The following IQCJ variants were observed in gnomAD, a reference collection of about 807,000 sequenced individuals.
IQCJ encodes IQ domain-containing protein J.
A neutral mutation model predicts 11.0 loss-of-function variants in IQCJ; 9 were observed. The ratio of observed to expected loss-of-function variants is 0.82; its 90% confidence interval spans 0.49 to 1.43. The LOEUF is 1.43. Ranked by LOEUF, IQCJ falls within the 40% of genes most tolerant of loss-of-function variation. The probability of loss-of-function intolerance (pLI) is 0.00; values close to 1 mark genes in which losing one functional copy is unlikely to be tolerated. For synonymous variants in IQCJ, 55 were observed against 51.3 expected, an observed-to-expected ratio of 1.07 and a Z score of -0.31; for missense variants, 146 against 133.2, an observed-to-expected ratio of 1.10 and a Z score of -0.47.
intron 1 of IQCJ, among the ~76,000 whole-genome samples, chr3:159,114,098 T>C (rs1034406419): frequency 1.7e-4 from 26 of 152,078 alleles, no homozygotes; most frequent in African/African-American, 6.3e-4. Context: ...TAGTGTAAAA[T>C]TGGCACTTGC....
chr3:159,163,887 C>G (rs113899013), intron 1 of IQCJ, among the ~76,000 whole-genome samples: 2,781 of 152,262 alleles, frequency 0.018, 41 homozygotes, highest in Non-Finnish European at 0.03. Flanking sequence ...CACATCAGGC[C>G]TCATTCTCTG....
At chr3:159,091,446 G>A (rs541433290) in intron 1 of IQCJ, among the ~76,000 whole-genome samples, 31 of 151,598 alleles carry the variant, frequency 2.0e-4, no homozygotes, top group Non-Finnish European at 1.0e-4. Flanking sequence ...GGTCCCTAAT[G>A]GTATTAATGG....
intron 1 of IQCJ, among the ~76,000 whole-genome samples, chr3:159,133,977 G>A (rs374380059): frequency 2.6e-5 from 4 of 151,640 alleles, no homozygotes; most frequent in South Asian, 2.1e-4. Context: ...CCAAAGGCTC[G>A]ACTGAGGAAA....
chr3:159,178,610 C>T (rs888295437), intron 1 of IQCJ, among the ~76,000 whole-genome samples: 1 of 152,174 alleles, frequency 6.6e-6, no homozygotes. Context: ...TGCACCCTTG[C>T]GTTGTATGCT....
intron 1 of IQCJ, among the ~76,000 whole-genome samples, chr3:159,079,592 G>T (rs1170702840): frequency 2.0e-5 from 3 of 151,904 alleles, no homozygotes; most frequent in African/African-American, 7.2e-5. Context: ...TATTCATTTT[G>T]GTATATAGCC....
At chr3:159,165,456 C>G (rs558161062) in intron 1 of IQCJ, among the ~76,000 whole-genome samples, 3 of 152,136 alleles carry the variant, frequency 2.0e-5, no homozygotes, top group Non-Finnish European at 4.4e-5. Flanking sequence ...TTTGGTTTAT[C>G]CCTCAGATTA....
At chr3:159,249,122 C>G (rs534144122) in intron 2 of IQCJ, among the ~76,000 whole-genome samples, 2 of 152,268 alleles carry the variant, frequency 1.3e-5, no homozygotes, top group South Asian at 4.1e-4. Flanking sequence ...TCCCAAAGTG[C>G]TGGGATTACA....
chr3:159,145,292 A>G (rs1720862821), intron 1 of IQCJ, among the ~76,000 whole-genome samples: 1 of 152,162 alleles, frequency 6.6e-6, no homozygotes, highest in Admixed American at 6.5e-5. Flanking sequence ...TCAAACCAGG[A>G]AAAAGACATG....
chr3:159,108,731 C>T lies in IQCJ; in HGVS notation c.9+39290C>T, dbSNP rs544119482. ...CAAGACTGGGCACAGCAGTAAATTC[C>T]CATCATCTTGATACTTTCATATGCC... On this transcript the variant is annotated intron_variant, in intron 1 of 3. Transcript: ENST00000397832. 2.2e-4 allele frequency among the ~76,000 whole-genome samples: 34 copies of T among 152,264 alleles called. No individual in the cohort carries two copies. The South Asian group carries it at 6.4e-3, about 29-fold the overall frequency.
chr3:159,213,089 T>C (rs1193267333), intron 1 of IQCJ, among the ~76,000 whole-genome samples: 1 of 152,162 alleles, frequency 6.6e-6, no homozygotes, highest in African/African-American at 2.4e-5. Context: ...AAGGCTTCTA[T>C]TGTACAGGGA....
chr3:159,242,414 G>A (rs1420019684), intron 1 of IQCJ, among the ~76,000 whole-genome samples: 2 of 152,144 alleles, frequency 1.3e-5, no homozygotes, highest in African/African-American at 4.8e-5. Context: ...TTTCATCAGG[G>A]TCCCAGGTAC....
At chr3:159,198,743 C>G (rs988787869) in intron 1 of IQCJ, among the ~76,000 whole-genome samples, 1 of 152,072 alleles carries the variant, frequency 6.6e-6, no homozygotes, top group Non-Finnish European at 1.5e-5. Context: ...GTATGAGATT[C>G]AAAATGGAAG....
intron 1 of IQCJ, among the ~76,000 whole-genome samples, chr3:159,089,101 T>G (rs966445713): frequency 6.6e-6 from 1 of 152,180 alleles, no homozygotes; most frequent in African/African-American, 2.4e-5. Context: ...AGGAGCTCTT[T>G]TAGGGCAGGC....
intron 1 of IQCJ, among the ~76,000 whole-genome samples, chr3:159,117,812 A>T (rs1719117793): frequency 1.3e-5 from 2 of 152,180 alleles, no homozygotes; most frequent in African/African-American, 4.8e-5. Flanking sequence ...AGACACAATA[A>T]TATTACCAGC....
intron 1 of IQCJ, among the ~76,000 whole-genome samples, chr3:159,231,133 G>T (rs1577099063): frequency 6.6e-6 from 1 of 152,176 alleles, no homozygotes; most frequent in Non-Finnish European, 1.5e-5. Flanking sequence ...GAATTAATGG[G>T]AAAAAAGATT....
chr3:159,080,440 G>A (rs1576989559), intron 1 of IQCJ, among the ~76,000 whole-genome samples: 1 of 152,234 alleles, frequency 6.6e-6, no homozygotes, highest in South Asian at 2.1e-4. Context: ...AGGCTTCACA[G>A]TAGAAACATG....
intron 1 of IQCJ, among the ~76,000 whole-genome samples, chr3:159,132,301 T>C (rs776246869): frequency 6.6e-5 from 10 of 152,136 alleles, no homozygotes; most frequent in Non-Finnish European, 1.5e-5. Context: ...CTAAGAAGTG[T>C]GATTTGGAGA....
intron 1 of IQCJ, among the ~76,000 whole-genome samples, chr3:159,146,127 T>G (rs567156450): frequency 7.2e-5 from 11 of 152,292 alleles, no homozygotes; most frequent in Admixed American, 7.2e-4. Context: ...CTTTACAGAT[T>G]GAAGATTAAC....
At chr3:159,256,770 A>T (rs1727922168) in intron 3 of IQCJ, among the ~76,000 whole-genome samples, 1 of 152,236 alleles carries the variant, frequency 6.6e-6, no homozygotes. Flanking sequence ...CTAATAAAAT[A>T]TTGCCAGGAG....
Sources: allele counts gnomAD v4.1 joint callset (sites outside exome capture counted in the v4.1 genomes callset), GRCh38; gene constraint gnomAD v4.1.1; transcripts MANE v1.5; gene names NCBI Gene and HGNC (gene_info 2026-07-23, HGNC 2026-07-21).